ACAP1: variants seen among roughly 807,000 people sequenced by gnomAD.
The protein encoded by ACAP1 is ArfGAP with coiled-coil, ankyrin repeat and PH domains 1, also known as arf-GAP with coiled-coil, ANK repeat and PH domain-containing protein 1.
A neutral mutation model predicts 98.8 loss-of-function variants in ACAP1; 45 were observed. The observed-to-expected ratio is 0.46, with a 90% CI of 0.36 to 0.58. The LOEUF (loss-of-function observed/expected upper bound fraction) is 0.58. Among genes scored for constraint, ACAP1 ranks in the 20% least tolerant of loss-of-function variants. The pLI, the probability that ACAP1 is intolerant of heterozygous loss-of-function variation, is 0.00. For synonymous variants in ACAP1, 362 were observed against 375.3 expected (o/e 0.96, Z 0.41); for missense variants, 735 against 971.4 (o/e 0.76, Z 3.24).
rs200616442 is a variant in ACAP1, at chr17:7,342,020, G to A, written c.184G>A (p.Gly62Ser). 7.9e-5 allele frequency: 128 copies of A among 1,614,144 alleles called. 2 individuals carry two copies. In the East Asian group the frequency reaches 2.5e-3, roughly 31 times the overall value. ...TGCTGCCAGCCGCGCCTTCGTTGTCGGCATTTGTGACCTGGCCCGCCTGGG... is the reference window on the plus strand; with the variant it reads ...TGCTGCCAGCCGCGCCTTCGTTGTCAGCATTTGTGACCTGGCCCGCCTGGG... Reference protein sequence around the residue: ...YLAASRAFVVGICDLARLGPP... With the variant: ...YLAASRAFVVSICDLARLGPP... The change falls in exon 3 of 22, where the codon GGC becomes AGC. Residue 62 changes from glycine to serine, a missense_variant. By Grantham distance (56) the Gly-to-Ser change is moderately conservative. Transcript: ENST00000158762.
At position 7,351,415 on chromosome 17, in the gene ACAP1, G is replaced by A. The variant is rs1437512215; in HGVS notation, c.*20G>A. ...CTGTGACCCGAGGCCCACGGGGCCC[G>A]CGCCTGCCTCCCTTCCCCGCCACCG... is the stretch of plus-strand genomic sequence containing the variant. On this transcript the variant is annotated 3_prime_UTR_variant, in exon 22 of 22. Coordinates refer to ENST00000158762, the MANE Select transcript of ACAP1 (RefSeq NM_014716.4). The A allele has an allele frequency of 1.9e-6, 3 of 1,578,586 alleles. No individual in the cohort carries two copies. Among genetic ancestry groups the A allele is most frequent in the Admixed American group, 1.8e-5 (1 of 56,700 alleles).
intron 2 of ACAP1, among the ~76,000 whole-genome samples, chr17:7,341,231 G>A (rs2073274125): frequency 6.6e-6 from 1 of 152,188 alleles, no homozygotes. Flanking sequence ...GCTCACTGCA[G>A]CCTTGACCTC....
Position 7,337,996 on chromosome 17 carries a change from C to T in ACAP1, c.111+627C>T, listed in dbSNP as rs574471580. ...CTGACTAGAAGACAAACCAGTGAAACGTTTCAATTCAAGACAGTAAGGTGT... is the reference window on the plus strand; with the variant it reads ...CTGACTAGAAGACAAACCAGTGAAATGTTTCAATTCAAGACAGTAAGGTGT... On this transcript the variant is annotated intron_variant, in intron 2 of 21. Transcript: ENST00000158762. Among the ~76,000 whole-genome samples, 22 of 152,296 alleles carry T rather than the reference C, an allele frequency of 1.4e-4. No individual in the cohort carries two copies. In the South Asian group the frequency reaches 2.9e-3, roughly 20 times the overall value.
chr17:7,350,059 G>A lies in ACAP1; in HGVS notation c.1961+5G>A, dbSNP rs2073387914. On this transcript the variant is annotated splice_donor_5th_base_variant and intron_variant, in intron 19 of 21. Transcript: ENST00000158762. The surrounding 1 kb of genome is among the most constrained non-coding windows in gnomAD (Gnocchi z 4.6). Reference sequence around the variant, plus strand: ...AACCATTCTTGGCCACACGGGGTAGGGATGATGGCATGGGGAGGAAGGCTG... The same window carrying A: ...AACCATTCTTGGCCACACGGGGTAGAGATGATGGCATGGGGAGGAAGGCTG... 6.2e-7 allele frequency: 1 copy of A among 1,613,336 alleles called. No individual in the cohort carries two copies. Among genetic ancestry groups the A allele is most frequent in the South Asian group, 1.1e-5 (1 of 91,064 alleles).
chr17:7,350,854 C>A lies in ACAP1; in HGVS notation c.2073-96C>A. 8.2e-7 allele frequency: 1 copy of A among 1,224,422 alleles called. No homozygotes were observed. The highest frequency in any genetic ancestry group is 1.2e-6 in the Non-Finnish European group (1 of 834,034). The allele number at this position is 1,224,422 out of a possible 1,614,324, so 75.8% of individuals were successfully genotyped here. On this transcript the variant is annotated intron_variant, in intron 20 of 21. Transcript: ENST00000158762. The surrounding 1 kb of genome is among the most constrained non-coding windows in gnomAD (Gnocchi z 4.6). ...CTCGATCTCCTGACCTCGTGATCCG[C>A]CTGCCTCGGCCTCCCAAAGTGTTGG...
In ACAP1 at chr17:7,343,286, C is replaced by G; in HGVS notation, c.345-93C>G. 1 of 1,361,296 alleles carries G rather than the reference C, an allele frequency of 7.3e-7. No individual in the cohort carries two copies. The highest frequency in any genetic ancestry group is 1.0e-6 in the Non-Finnish European group (1 of 991,976). 84.3% of individuals were successfully genotyped at this position (1,361,296 alleles called of 1,614,324 possible). A position where few individuals can be genotyped will look rare whatever the true frequency, so the allele number is the denominator to read the frequency against. The stretch of plus-strand genomic sequence containing the variant: ...CCTTGGGTTTCCCACGTTGCAGAGA[C>G]TAACTGAAAGGACATGAGGGCTTTA... On this transcript the variant is annotated intron_variant, in intron 5 of 21. Coordinates refer to ENST00000158762, the MANE Select transcript of ACAP1 (RefSeq NM_014716.4). The surrounding 1 kb of genome is among the most constrained non-coding windows in gnomAD (Gnocchi z 4.9).
intron 2 of ACAP1, among the ~76,000 whole-genome samples, chr17:7,340,005 C>T: frequency 6.6e-6 from 1 of 152,074 alleles, no homozygotes; most frequent in East Asian, 1.9e-4. Context: ...TCATGCCTGT[C>T]ATCCCAACTA....
intron 2 of ACAP1, 93 bp downstream of exon 2, chr17:7,337,462 G>A (rs1348581554): frequency 2.6e-6 from 3 of 1,171,746 alleles, no homozygotes; most frequent in Non-Finnish European, 3.8e-6. Flanking sequence ...GCATCCCAGG[G>A]ATTATTGAAT....
chr17:7,350,306 G>T lies in ACAP1; in HGVS notation c.2072+69G>T. On this transcript the variant is annotated intron_variant, in intron 20 of 21. Transcript: ENST00000158762. The surrounding 1 kb of genome is among the most constrained non-coding windows in gnomAD (Gnocchi z 4.6). ...CACCCCCGCCCACCCACGTTCGGGC[G>T]GGCGGGCGGGGCTGACGCCGAAACA... 7.9e-7 allele frequency: 1 copy of T among 1,264,992 alleles called. No homozygotes were observed. The highest frequency in any genetic ancestry group is 2.5e-5 in the East Asian group (1 of 39,932). The allele number at this position is 1,264,992 out of a possible 1,614,324, so 78.4% of individuals were successfully genotyped here. A position where few individuals can be genotyped will look rare whatever the true frequency, so the allele number is the denominator to read the frequency against.
Position 7,350,876 on chromosome 17 carries a change from T to G in ACAP1, c.2073-74T>G. The G allele has an allele frequency of 6.7e-7, 1 of 1,483,816 alleles. No homozygotes were observed. The highest frequency in any genetic ancestry group is 1.1e-5 in the South Asian group (1 of 87,926). The allele number at this position is 1,483,816 out of a possible 1,614,324, so 91.9% of individuals were successfully genotyped here. A position where few individuals can be genotyped will look rare whatever the true frequency, so the allele number is the denominator to read the frequency against. On this transcript the variant is annotated intron_variant, in intron 20 of 21. Transcript: ENST00000158762. The surrounding 1 kb of genome is among the most constrained non-coding windows in gnomAD (Gnocchi z 4.6). Reference sequence around the variant, plus strand: ...CCGCCTGCCTCGGCCTCCCAAAGTGTTGGGATTACAGGCGTGAGCCACCGC... The same window carrying G: ...CCGCCTGCCTCGGCCTCCCAAAGTGGTGGGATTACAGGCGTGAGCCACCGC...
intron 12 of ACAP1, 105 bp from the exon 13 acceptor site, chr17:7,346,703 C>A: frequency 7.3e-7 from 1 of 1,376,188 alleles, no homozygotes; most frequent in Non-Finnish European, 1.0e-6. Context: ...TCTTTCAATG[C>A]AACTGGAACT....
Position 7,349,045 on chromosome 17 carries a change from C to T in ACAP1, c.1729C>T (p.Arg577Ter), listed in dbSNP as rs1364336849. Residue 577 changes from arginine to a stop codon, truncating the protein, a stop_gained, in exon 18 of 22, where the codon CGA (arginine) becomes TGA (stop). Transcript: ENST00000158762. LOFTEE classifies it high-confidence loss of function. ...CCTGCACCCTGGGGCCCTACTGTTT[C>T]GAGCGTCTGGGCATCCTCCATCTCT... ...GSLHPGALLF[R>*]ASGHPPSLPT... 2.5e-6 allele frequency: 4 copies of T among 1,613,824 alleles called. No homozygotes were observed. The highest frequency in any genetic ancestry group is 3.3e-5 in the Admixed American group (2 of 59,970).
At chr17:7,339,565 A>G (rs1343200327) in intron 2 of ACAP1, among the ~76,000 whole-genome samples, 1 of 151,724 alleles carries the variant, frequency 6.6e-6, no homozygotes, top group Non-Finnish European at 1.5e-5. Context: ...AGCCGAGATC[A>G]CGCCACCACA....
intron 10 of ACAP1, chr17:7,345,410 A>G (rs1446164784): frequency 1.3e-5 from 2 of 149,438 alleles, no homozygotes; most frequent in Non-Finnish European, 3.0e-5. Context: ...TGCAACCTCT[A>G]TCCCCTGAGT....
chr17:7,344,253 A>C lies in ACAP1; in HGVS notation c.744+130A>C. 1 of 1,088,560 alleles carries C rather than the reference A, an allele frequency of 9.2e-7. No homozygotes were observed. Among genetic ancestry groups the C allele is most frequent in the South Asian group, 1.5e-5 (1 of 65,428 alleles). 67.4% of individuals were successfully genotyped at this position (1,088,560 alleles called of 1,614,324 possible). A position where few individuals can be genotyped will look rare whatever the true frequency, so the allele number is the denominator to read the frequency against. On this transcript the variant is annotated intron_variant, in intron 9 of 21. Coordinates refer to ENST00000158762, the MANE Select transcript of ACAP1 (RefSeq NM_014716.4). This position sits in a 1 kb window ranked among gnomAD's most constrained non-coding sequence, Gnocchi z 4.9. ...GTAGTGAAACTCCATCTCTACAGAA[A>C]ATTTTAAAATTAGCTGGTGTGGTGG...
At position 7,343,677 on chromosome 17, in the gene ACAP1, G is replaced by A. The variant is rs369942674; in HGVS notation, c.529-29G>A. 2.5e-6 allele frequency: 4 copies of A among 1,610,572 alleles called. No individual in the cohort carries two copies. In the Admixed American group the frequency reaches 5.0e-5, roughly 20 times the overall value. Reference sequence around the variant, plus strand: ...GCTGTGTCTTCAAGACTGATCTGGGGTTTTTTACGTCCTCTTTTACGTCCT... The same window carrying A: ...GCTGTGTCTTCAAGACTGATCTGGGATTTTTTACGTCCTCTTTTACGTCCT... On this transcript the variant is annotated intron_variant, in intron 6 of 21. Coordinates refer to ENST00000158762, the MANE Select transcript of ACAP1 (RefSeq NM_014716.4). The surrounding 1 kb of genome is among the most constrained non-coding windows in gnomAD (Gnocchi z 4.9).
rs1452011099 is a variant in ACAP1 at position 7,342,059 on chromosome 17, A to G, written c.223A>G (p.Met75Val). ...DLARLGPPEPMMAECLEKFTV... is the reference protein window; with the variant it reads ...DLARLGPPEPVMAECLEKFTV... ...GGCCCGCCTGGGTCCACCAGAGCCCATGATGGCGGTATGCGGAGGGTCTGC... is the reference window on the plus strand; with the variant it reads ...GGCCCGCCTGGGTCCACCAGAGCCCGTGATGGCGGTATGCGGAGGGTCTGC... The change falls in exon 3 of 22, where the codon ATG (methionine) becomes GTG (valine). Residue 75 changes from methionine (M) to valine (V), a missense_variant. Physicochemically the swap from Met to Val is conservative, Grantham distance 21 (BLOSUM62 1). Coordinates refer to ENST00000158762, the MANE Select transcript of ACAP1 (RefSeq NM_014716.4). 2 of 1,613,986 alleles carry G rather than the reference A, an allele frequency of 1.2e-6. No homozygotes were observed. Among genetic ancestry groups the G allele is most frequent in the Middle Eastern group, 1.7e-4 (1 of 6,060 alleles).
chr17:7,350,629 G>A lies in ACAP1; in HGVS notation c.2073-321G>A. On this transcript the variant is annotated intron_variant, in intron 20 of 21. Transcript: ENST00000158762. The surrounding 1 kb of genome is among the most constrained non-coding windows in gnomAD (Gnocchi z 4.6). ...GGATAGTCTTTTTTTTTTTTTTTGA[G>A]ACGGAGTCTCACTCTGTCGCCCAGG... The A allele has an allele frequency of 2.8e-6, 1 of 352,572 alleles. No homozygotes were observed. Among genetic ancestry groups the A allele is most frequent in the Non-Finnish European group, 5.2e-6 (1 of 194,094 alleles). The allele number at this position is 352,572 out of a possible 1,614,324, so 21.8% of individuals were successfully genotyped here. A position where few individuals can be genotyped will look rare whatever the true frequency, so the allele number is the denominator to read the frequency against.
At chr17:7,348,648 T>A in intron 17 of ACAP1, 173 bp downstream of exon 17, 1 of 720,446 alleles carries the variant, frequency 1.4e-6, no homozygotes, top group Non-Finnish European at 2.1e-6. Context: ...TGAGAAGGAA[T>A]GTGGGGCTGG....
Sources: allele counts gnomAD v4.1 joint callset (sites outside exome capture counted in the v4.1 genomes callset), GRCh38; gene constraint gnomAD v4.1.1; non-coding constraint Gnocchi (gnomAD v3.1); transcripts MANE v1.5; gene names NCBI Gene and HGNC (gene_info 2026-07-23, HGNC 2026-07-21).